Variants in ZFP64 observed in about 807,000 individuals in gnomAD.
ZFP64 encodes the protein zinc finger protein 64.
Under a neutral mutation model 51.6 loss-of-function variants are expected in ZFP64, and 14 were observed. That is an observed-to-expected ratio of 0.27 (90% CI 0.18 to 0.42). ZFP64 has a LOEUF of 0.42. Among genes scored for constraint, ZFP64 ranks in the 10% least tolerant of loss-of-function variants. The probability of loss-of-function intolerance (pLI) is 1.00; values close to 1 mark genes in which losing one functional copy is unlikely to be tolerated. For synonymous variants in ZFP64, 375 were observed against 361.4 expected (o/e 1.04, Z -0.43); for missense variants, 754 against 906.8 (o/e 0.83, Z 2.16).
chr20:52,161,072 G>A (rs1000401058), intron 4 of ZFP64, among the ~76,000 whole-genome samples: 5 of 152,196 alleles, frequency 3.3e-5, no homozygotes, highest in African/African-American at 1.2e-4. Context: ...AATAGAATGA[G>A]GTGGGAGGAA....
At chr20:52,105,195 C>G (rs994894261) in intron 5 of ZFP64, 3 of 1,435,872 alleles carry the variant, frequency 2.1e-6, no homozygotes, top group Non-Finnish European at 2.7e-6. Flanking sequence ...CGCGGCTCCT[C>G]GGAGTTGAGG....
chr20:52,085,021 C>T lies in ZFP64; in HGVS notation c.1474G>A (p.Asp492Asn), dbSNP rs1474313467. The T allele has an allele frequency of 6.2e-7, 1 of 1,614,048 alleles. No individual in the cohort carries two copies. Among genetic ancestry groups the T allele is most frequent in the Non-Finnish European group, 8.5e-7 (1 of 1,180,006 alleles). Residue 492 changes from aspartate to asparagine, a missense_variant, in exon 9 of 9, where the codon GAC (aspartate) becomes AAC (asparagine). By Grantham distance (23) the Asp-to-Asn change is conservative (BLOSUM62 1). Coordinates refer to the ZFP64 transcript ENST00000361387. This position sits in a 1 kb window ranked among gnomAD's most constrained non-coding sequence, Gnocchi z 4.3. ...CACTCTGGACACTTCTCCGGGTGGT[C>T]GGCCTGGTGCAGCCGGCTGTGCTCC... is the stretch of plus-strand genomic sequence containing the variant.
chr20:52,142,382 A>ACACACACACACGCG (rs879903441), intron 5 of ZFP64, among the ~76,000 whole-genome samples: 2,179 of 84,452 alleles, frequency 0.026, 62 homozygotes, highest in African/African-American at 0.059. Context: ...ACACAGACAC[A>ACACACACACACGCG]CACACACACA....
At chr20:52,171,686 C>T (rs895352913) in intron 2 of ZFP64, among the ~76,000 whole-genome samples, 3 of 151,602 alleles carry the variant, frequency 2.0e-5, no homozygotes, top group Non-Finnish European at 4.4e-5. Context: ...GACAGAGTTT[C>T]ACCATGTTGG....
chr20:52,161,290 T>C (rs1270091776), intron 4 of ZFP64, among the ~76,000 whole-genome samples: 2 of 152,168 alleles, frequency 1.3e-5, no homozygotes, highest in African/African-American at 4.8e-5. Context: ...TTGATGTATA[T>C]TTTTCCAATC....
intron 5 of ZFP64, among the ~76,000 whole-genome samples, chr20:52,118,540 A>G (rs1456370246): frequency 2.0e-5 from 3 of 152,158 alleles, no homozygotes; most frequent in African/African-American, 7.2e-5. Context: ...AGGTTCCACT[A>G]GTGTCTCCTT....
rs140620819 is a variant in ZFP64, at chr20:52,162,397, C to T, written c.512-2023G>A. On this transcript the variant is annotated intron_variant, in intron 4 of 5. Coordinates refer to ENST00000216923, the MANE Select transcript of ZFP64 (RefSeq NM_018197.3). The stretch of plus-strand genomic sequence containing the variant: ...ATCCCAGCACTTTGGGAGGCCGAGG[C>T]GGGCGGATCATGAGGTCAGGAGATC... Among the ~76,000 whole-genome samples the T allele has an allele frequency of 2.4e-3, 358 of 151,782 alleles. 1 individual carries two copies. Among genetic ancestry groups the T allele is most frequent in the African/African-American group, 8.2e-3 (340 of 41,366 alleles).
At chr20:52,122,430 C>A (rs182602336) in intron 5 of ZFP64, among the ~76,000 whole-genome samples, 7,954 of 149,812 alleles carry the variant, frequency 0.053, 280 homozygotes, top group Admixed American at 0.11. Context: ...GGCGTGAACC[C>A]GGGAGGTGGA....
intron 2 of ZFP64, among the ~76,000 whole-genome samples, chr20:52,170,542 C>T (rs1051445535): frequency 7.9e-5 from 12 of 152,286 alleles, no homozygotes; most frequent in South Asian, 4.1e-4. Context: ...ATGTAACCTG[C>T]GAGTCATCCC....
At chr20:52,165,421 A>T (rs945312582) in intron 3 of ZFP64, 6 of 455,116 alleles carry the variant, frequency 1.3e-5, no homozygotes, top group African/African-American at 1.2e-4. Context: ...ACAAAGAATG[A>T]CAAAGCAAAT....
intron 5 of ZFP64, among the ~76,000 whole-genome samples, chr20:52,102,320 G>T (rs1322259504): frequency 1.3e-5 from 2 of 152,090 alleles, no homozygotes; most frequent in Non-Finnish European, 2.9e-5. Context: ...CCCATTTGGA[G>T]TTCCTGATTG....
At chr20:52,100,025 G>A (rs1478691485) in intron 5 of ZFP64, among the ~76,000 whole-genome samples, 2 of 152,112 alleles carry the variant, frequency 1.3e-5, no homozygotes, top group Non-Finnish European at 2.9e-5. Context: ...ACGGAGTCTC[G>A]CTCTGTCACC....
At chr20:52,169,838 G>A (rs960204091) in intron 2 of ZFP64, among the ~76,000 whole-genome samples, 7 of 152,164 alleles carry the variant, frequency 4.6e-5, no homozygotes, top group African/African-American at 7.2e-5. Context: ...CGGATCACCC[G>A]AGGTCGGGAG....
At chr20:52,180,292 C>A (rs912291383) in intron 2 of ZFP64, among the ~76,000 whole-genome samples, 2 of 152,192 alleles carry the variant, frequency 1.3e-5, no homozygotes, top group Non-Finnish European at 2.9e-5. Flanking sequence ...GCAAACGCCA[C>A]CCTTGGAATC....
chr20:52,088,665 A>C, intron 7 of ZFP64: 2 of 1,612,978 alleles, frequency 1.2e-6, no homozygotes, highest in African/African-American at 2.7e-5. Context: ...TAAGGAGTCA[A>C]AGTTAAAGGT....
At chr20:52,091,222 G>A (rs574611159) in intron 7 of ZFP64, among the ~76,000 whole-genome samples, 1 of 151,812 alleles carries the variant, frequency 6.6e-6, no homozygotes, top group Non-Finnish European at 1.5e-5. Context: ...TATAGGTCAG[G>A]TGCTGTGGCT....
At chr20:52,084,869 G>A (rs764710513) in exon 9 of ZFP64, 8 of 1,613,792 alleles carry the variant, frequency 5.0e-6, no homozygotes, top group South Asian at 1.1e-5. Flanking sequence ...GCACCTTGTC[G>A]ACGTGCTTGG....
intron 4 of ZFP64, among the ~76,000 whole-genome samples, chr20:52,163,934 A>C (rs1395966508): frequency 6.6e-6 from 1 of 152,222 alleles, no homozygotes; most frequent in Non-Finnish European, 1.5e-5. Context: ...CTTTTAAAAC[A>C]AGTATTTATT....
At chr20:52,089,063 G>A (rs1477962883) in intron 7 of ZFP64, 1 of 518,950 alleles carries the variant, frequency 1.9e-6, no homozygotes, top group East Asian at 5.5e-5. Context: ...GTTGGTCAAA[G>A]GGTGCTGAGG....
Sources: allele counts gnomAD v4.1 joint callset (sites outside exome capture counted in the v4.1 genomes callset), GRCh38; gene constraint gnomAD v4.1.1; non-coding constraint Gnocchi (gnomAD v3.1); transcripts MANE v1.5; gene names NCBI Gene and HGNC (gene_info 2026-07-23, HGNC 2026-07-21).